The following AGPS variants were observed in gnomAD, a reference collection of about 807,000 sequenced individuals.
The protein encoded by AGPS is alkyldihydroxyacetonephosphate synthase, peroxisomal.
Under a neutral mutation model 90.7 loss-of-function variants are expected in AGPS, and 26 were observed. The ratio of observed to expected loss-of-function variants is 0.29; its 90% CI spans 0.21 to 0.40. The LOEUF (loss-of-function observed/expected upper bound fraction) is 0.40. Ranked by LOEUF, AGPS falls within the 10% of genes least tolerant of loss-of-function variation. The pLI, the probability that AGPS is intolerant of heterozygous loss-of-function variation, is 1.00. For missense variants in AGPS, 540 were observed against 816.1 expected, an observed-to-expected ratio of 0.66 and a Z score of 4.12; for synonymous variants, 294 against 285.3, an observed-to-expected ratio of 1.03 and a Z score of -0.31.
chr2:177,524,284 C>G (rs903046199), intron 19 of AGPS, among the ~76,000 whole-genome samples: 1 of 152,134 alleles, frequency 6.6e-6, no homozygotes, highest in Non-Finnish European at 1.5e-5. Context: ...GGTTTTAATG[C>G]TGTTTTGTTA....
chr2:177,495,460 G>A (rs1162653584), intron 12 of AGPS, among the ~76,000 whole-genome samples: 1 of 152,132 alleles, frequency 6.6e-6, no homozygotes, highest in East Asian at 1.9e-4. Context: ...TGACTACAAA[G>A]CCCAGGAGTT....
chr2:177,539,057 A>G lies in AGPS; in HGVS notation c.*862A>G, dbSNP rs2079208803. ...ATGCAGAAGAAACAGCTACAGCAAGAGCAGAAGGAAAACTCTTAGACTTAA... is the reference window on the plus strand; with the variant it reads ...ATGCAGAAGAAACAGCTACAGCAAGGGCAGAAGGAAAACTCTTAGACTTAA... On this transcript the variant is annotated 3_prime_UTR_variant, in exon 20 of 20. Transcript: ENST00000264167. 1 of 152,086 alleles carries G rather than the reference A, an allele frequency of 6.6e-6. No individual in the cohort carries two copies. The highest frequency in any genetic ancestry group is 6.6e-5 in the Admixed American group (1 of 15,256). The allele number at this position is 152,086 out of a possible 1,614,324, so 9.4% of individuals were successfully genotyped here.
intron 1 of AGPS, among the ~76,000 whole-genome samples, chr2:177,402,791 T>C (rs1295577677): frequency 6.6e-6 from 1 of 152,218 alleles, no homozygotes; most frequent in Non-Finnish European, 1.5e-5. Context: ...CCGCGGTGGC[T>C]CACGCCTGTA....
rs185191428 is a variant in AGPS at position 177,534,243 on chromosome 2, A to G, written c.1856-3831A>G. On this transcript the variant is annotated intron_variant, in intron 19 of 19. Transcript: ENST00000264167. ...CTCCATGTCCACATTTTCCATGTAC[A>G]TCATTTTATCTCTTATACCTTGCGT... Among the ~76,000 whole-genome samples, 454 of 152,254 alleles carry G rather than the reference A, an allele frequency of 3.0e-3. 4 individuals are homozygous for G. Among genetic ancestry groups the G allele is most frequent in the African/African-American group, 0.01 (429 of 41,556 alleles).
At chr2:177,398,764 G>A (rs1359415436) in intron 1 of AGPS, among the ~76,000 whole-genome samples, 1 of 152,146 alleles carries the variant, frequency 6.6e-6, no homozygotes, top group African/African-American at 2.4e-5. Flanking sequence ...AAAATGTAAT[G>A]GGTGGTTTAA....
intron 1 of AGPS, among the ~76,000 whole-genome samples, chr2:177,414,627 A>G (rs1384580572): frequency 6.6e-6 from 1 of 152,194 alleles, no homozygotes. Flanking sequence ...TCTATCATTC[A>G]AAAAAATTTG....
At position 177,528,849 on chromosome 2, in the gene AGPS, C is replaced by CTTTTTTT. The variant is rs71008000; in HGVS notation, c.1855+5061_1855+5067dup. 3.4e-3 allele frequency among the ~76,000 whole-genome samples: 267 copies of CTTTTTTT among 79,062 alleles called. 3 individuals are homozygous for CTTTTTTT. The highest frequency in any genetic ancestry group is 4.5e-3 in the East Asian group (10 of 2,220). The allele number at this position is 79,062 out of a possible 152,430, so 51.9% of individuals were successfully genotyped here. ...TAGCTCTGAATCTTGCATATTAATC[C>CTTTTTTT]TTTTTTTTTTTTTTTTTTTTTTTGA... is the stretch of plus-strand genomic sequence containing the variant. On this transcript the variant is annotated intron_variant, in intron 19 of 19. Transcript: ENST00000264167.
chr2:177,523,616 A>G, intron 18 of AGPS, 132 bp from the exon 19 acceptor site: 6 of 759,542 alleles, frequency 7.9e-6, no homozygotes, highest in Non-Finnish European at 1.1e-5. Context: ...TGACCAAAAG[A>G]GAGGAAAGTT....
chr2:177,446,388 G>A (rs903285162), intron 8 of AGPS, among the ~76,000 whole-genome samples: 3 of 152,194 alleles, frequency 2.0e-5, no homozygotes, highest in East Asian at 1.9e-4. Context: ...TGATCCGCCC[G>A]CCTCGGCCTC....
intron 7 of AGPS, 127 bp downstream of exon 7, chr2:177,442,613 G>C (rs1686641739): frequency 2.8e-6 from 2 of 722,798 alleles, no homozygotes; most frequent in South Asian, 3.1e-5. Flanking sequence ...TGGGGAGGCT[G>C]AGGTGGGTGG....
chr2:177,506,121 A>G (rs1384533593), intron 15 of AGPS, among the ~76,000 whole-genome samples: 1 of 151,758 alleles, frequency 6.6e-6, no homozygotes, highest in Non-Finnish European at 1.5e-5. Context: ...CTGATATGAA[A>G]TTGTTCTTTT....
At chr2:177,405,478 CTT>C (rs1233031719) in intron 1 of AGPS, among the ~76,000 whole-genome samples, 4 of 152,134 alleles carry the variant, frequency 2.6e-5, no homozygotes, top group African/African-American at 7.2e-5. Flanking sequence ...ATCTTTTTCT[CTT>C]TGTTGATTTT....
chr2:177,460,279 C>T (rs1049630233), intron 8 of AGPS, among the ~76,000 whole-genome samples: 4 of 151,958 alleles, frequency 2.6e-5, no homozygotes, highest in South Asian at 2.1e-4. Flanking sequence ...CAAAACTGCA[C>T]GTTCTGCACA....
intron 10 of AGPS, among the ~76,000 whole-genome samples, chr2:177,476,307 C>A (rs1004757644): frequency 5.3e-5 from 8 of 151,936 alleles, no homozygotes; most frequent in African/African-American, 1.9e-4. Flanking sequence ...AGATATTTAC[C>A]ATCACAATTT....
At chr2:177,496,867 G>A (rs756627391) in intron 12 of AGPS, among the ~76,000 whole-genome samples, 3 of 151,876 alleles carry the variant, frequency 2.0e-5, no homozygotes, top group Non-Finnish European at 2.9e-5. Context: ...AAACCTTAAA[G>A]GCTTTTTTAA....
At chr2:177,471,909 AT>A (rs1246145829) in intron 10 of AGPS, among the ~76,000 whole-genome samples, 5 of 151,866 alleles carry the variant, frequency 3.3e-5, no homozygotes, top group Admixed American at 3.3e-4. Context: ...TACCTGTTTA[AT>A]TTTCTTAGTA....
At chr2:177,393,592 G>A in intron 1 of AGPS, 1 of 984,614 alleles carries the variant, frequency 1.0e-6, no homozygotes, top group Non-Finnish European at 1.2e-6. Context: ...GGAAACCGAT[G>A]AATGGTAAGA....
chr2:177,536,730 C>T lies in AGPS; in HGVS notation c.1856-1344C>T, dbSNP rs966632805. On this transcript the variant is annotated intron_variant, in intron 19 of 19. Transcript: ENST00000264167. ...TTTTCTGCTGAACTTCATTTCCCCC[C>T]GTCTTAATACCAGCAATACCTTTTT... 3.3e-5 allele frequency among the ~76,000 whole-genome samples: 5 copies of T among 152,040 alleles called. No homozygotes were observed. The East Asian group carries it at 7.7e-4, about 23-fold the overall frequency.
intron 12 of AGPS, among the ~76,000 whole-genome samples, chr2:177,495,929 A>C (rs1289139192): frequency 6.6e-6 from 1 of 151,482 alleles, no homozygotes; most frequent in African/African-American, 2.4e-5. Flanking sequence ...AAAAAAAAAA[A>C]AAAAAAAAAC....
Sources: gnomAD v4.1 joint callset for allele counts (sites outside exome capture counted in the v4.1 genomes callset) on GRCh38, gnomAD v4.1.1 for gene constraint, MANE v1.5 for transcripts, NCBI Gene and HGNC (gene_info 2026-07-23, HGNC 2026-07-21) for gene names.